CCDC14: variants seen among roughly 807,000 people sequenced by gnomAD.
CCDC14 encodes coiled-coil domain-containing protein 14.
In CCDC14, 71 loss-of-function variants were observed where a neutral mutation model predicts 81.4. The ratio of observed to expected loss-of-function variants is 0.87; its 90% CI spans 0.72 to 1.06. The LOEUF is 1.06. Among genes scored for constraint, CCDC14 ranks in the 50% least tolerant of loss-of-function variants. The probability of loss-of-function intolerance (pLI) is 0.00; values close to 1 mark genes in which losing one functional copy is unlikely to be tolerated. For synonymous variants in CCDC14, 332 were observed against 364.8 expected, an observed-to-expected ratio of 0.91 and a Z score of 1.03; for missense variants, 1,046 against 1,047.3, an observed-to-expected ratio of 1.00 and a Z score of 0.02.
At chr3:123,885,567 A>G in the CCDC14 span, among the ~76,000 whole-genome samples, 1 of 151,634 alleles carries the variant, frequency 6.6e-6, no homozygotes, top group Non-Finnish European at 1.5e-5. Flanking sequence ...GAGGTTTTCC[A>G]GAGTCTGGGG....
In CCDC14 at chr3:123,915,360, C is replaced by T. The variant is rs1447867064; in HGVS notation, c.2137G>A (p.Gly713Arg). The T allele has an allele frequency of 6.2e-7, 1 of 1,613,688 alleles. No individual in the cohort carries two copies. The highest frequency in any genetic ancestry group is 1.3e-5 in the African/African-American group (1 of 74,902). The change falls in exon 13 of 13, where the codon GGG becomes AGG. Residue 713 changes from glycine (G) to arginine (R), a missense_variant. Transcript: ENST00000409697. ...SALSKQDSDEGSETMALIEDE... is the reference protein window; with the variant it reads ...SALSKQDSDERSETMALIEDE... ...TCTATTAAAGCCATAGTTTCACTCC[C>T]TTCATCAGAATCCTGTTTTGAAAGG...
In CCDC14 at chr3:123,931,407, C is replaced by T. The variant is rs1274274564; in HGVS notation, c.1546G>A (p.Asp516Asn). ...ATACTACTAAATTTTTTGTTTTCAT[C>T]TTTCTGATTTTCAATCACTTTTAAC... ...ELLKVIENQK[D>N]ENKKFSSIFK... The change falls in exon 11 of 13, where the codon GAT becomes AAT. Residue 516 changes from aspartate to asparagine, a missense_variant. Asp to Asn is a conservative substitution (Grantham distance 23). Transcript: ENST00000409697. The T allele has an allele frequency of 5.2e-6, 8 of 1,546,818 alleles. No individual in the cohort carries two copies. Among genetic ancestry groups the T allele is most frequent in the Non-Finnish European group, 6.1e-6 (7 of 1,141,568 alleles).
At position 123,949,008 on chromosome 3, in the gene CCDC14, G is replaced by A; in HGVS notation, c.477C>T (p.Tyr159=). The change falls in exon 6 of 13, where the codon TAC becomes TAT. Residue 159 remains tyrosine, a synonymous_variant. Transcript: ENST00000409697. ...DHYRMYSPII[Y]QALCEHVQTQ... ...TCTGCACGTGCTCACAGAGGGCTTG[G>A]TATATTATGGGTGAATACATTCTAT... The A allele has an allele frequency of 1.2e-6, 2 of 1,613,848 alleles. No individual in the cohort carries two copies. The highest frequency in any genetic ancestry group is 2.2e-5 in the East Asian group (1 of 44,874).
At chr3:123,957,850 CT>C (rs796678731) in intron 1 of CCDC14, 31 of 152,142 alleles carry the variant, frequency 2.0e-4, no homozygotes, top group African/African-American at 7.0e-4. Context: ...GATTCCCCCC[CT>C]AGTTCCACCC....
At chr3:123,945,455 G>C (rs1290561661) in intron 8 of CCDC14, among the ~76,000 whole-genome samples, 1 of 151,996 alleles carries the variant, frequency 6.6e-6, no homozygotes, top group South Asian at 2.1e-4. Flanking sequence ...TATTGAGTGA[G>C]GGTCTGCTAA....
intron 5 of CCDC14, among the ~76,000 whole-genome samples, chr3:123,907,717 A>G (rs2034347724): frequency 6.7e-6 from 1 of 150,286 alleles, no homozygotes; most frequent in Non-Finnish European, 1.5e-5. Flanking sequence ...AAAAAAATAT[A>G]ATAAAAAAAA....
intron 9 of CCDC14, among the ~76,000 whole-genome samples, chr3:123,939,575 C>A (rs1207609246): frequency 6.7e-6 from 1 of 149,174 alleles, no homozygotes; most frequent in African/African-American, 2.5e-5. Context: ...TTGTTCTGTT[C>A]TCTTTTTTCA....
intron 12 of CCDC14, among the ~76,000 whole-genome samples, chr3:123,924,935 A>T (rs1394208187): frequency 7.0e-6 from 1 of 142,966 alleles, no homozygotes; most frequent in Non-Finnish European, 1.5e-5. Context: ...ATACACACAC[A>T]TATATATGTA....
chr3:123,931,561 C>G (rs753836052), intron 10 of CCDC14, 35 bp from the exon 11 acceptor site: 5 of 1,215,578 alleles, frequency 4.1e-6, no homozygotes, highest in Non-Finnish European at 5.7e-6. Flanking sequence ...AGTTGTTTCC[C>G]AAACCTAAAA....
At chr3:123,924,292 AT>A (rs1348034631) in intron 12 of CCDC14, among the ~76,000 whole-genome samples, 1 of 152,182 alleles carries the variant, frequency 6.6e-6, no homozygotes, top group East Asian at 1.9e-4. Context: ...TATACTAAAA[AT>A]GGATTAAAGA....
Position 123,914,780 on chromosome 3 carries a change from C to A in CCDC14, c.2717G>T (p.Ter906LeuextTer19), listed in dbSNP as rs1232154829. 6.6e-7 allele frequency: 1 copy of A among 1,511,334 alleles called. No individual in the cohort carries two copies. Among genetic ancestry groups the A allele is most frequent in the South Asian group, 1.3e-5 (1 of 77,120 alleles). The allele number at this position is 1,511,334 out of a possible 1,614,324, so 93.6% of individuals were successfully genotyped here. The change falls in exon 13 of 13, where the codon TGA becomes TTA. Residue 906 changes from the stop codon to leucine (L), a stop_lost. Transcript: ENST00000409697. ...CACCTGATGAGTTTTCTTCTGAATT[C>A]ATTTCTCCAGAAGACCAGTCCTTAA... ...KSLRTGLLEK[*>L] is the part of the protein sequence containing the mutation.
At chr3:123,956,640 G>A in intron 2 of CCDC14, 100 bp downstream of exon 2, 2 of 917,198 alleles carry the variant, frequency 2.2e-6, no homozygotes, top group African/African-American at 3.4e-5. Context: ...TGTGATGGTA[G>A]AGGCCTACCT....
chr3:123,900,054 A>C (rs2034148664), intron 5 of CCDC14, among the ~76,000 whole-genome samples: 1 of 152,242 alleles, frequency 6.6e-6, no homozygotes, highest in Non-Finnish European at 1.5e-5. Context: ...GCCTTTGAGG[A>C]CAAGGACTAG....
At chr3:123,946,603 T>A (rs1451697741) in intron 8 of CCDC14, among the ~76,000 whole-genome samples, 200 bp downstream of exon 8, 1 of 152,170 alleles carries the variant, frequency 6.6e-6, no homozygotes, top group Non-Finnish European at 1.5e-5. Context: ...ATGTTTGACA[T>A]TCTCAAACGC....
At chr3:123,919,785 G>C (rs943064847) in intron 12 of CCDC14, among the ~76,000 whole-genome samples, 2 of 152,158 alleles carry the variant, frequency 1.3e-5, no homozygotes, top group Non-Finnish European at 2.9e-5. Flanking sequence ...AGTGAGAGGT[G>C]GGGTAGGGCA....
At chr3:123,925,747 T>C (rs1427766109) in intron 12 of CCDC14, among the ~76,000 whole-genome samples, 1 of 152,150 alleles carries the variant, frequency 6.6e-6, no homozygotes, top group Non-Finnish European at 1.5e-5. Context: ...AGGGTGATTA[T>C]ACTTAATAAT....
chr3:123,956,426 T>A lies in CCDC14; in HGVS notation c.88A>T (p.Thr30Ser). The change falls in exon 3 of 13, where the codon ACC becomes TCC. Residue 30 changes from threonine (T) to serine (S), a missense_variant and splice_region_variant. Thr to Ser is a moderately conservative substitution (Grantham distance 58). Transcript: ENST00000409697. ...AAACGTGGTATTTTTCTTAAATAGG[T>A]CCTGGAAAACAAGCTTATTAATATT... ...PAKLTNGKKA[T>S]YLRKIPRFNA... The A allele has an allele frequency of 6.5e-7, 1 of 1,539,560 alleles. No homozygotes were observed. The highest frequency in any genetic ancestry group is 8.8e-7 in the Non-Finnish European group (1 of 1,139,284).
At chr3:123,886,687 C>T in the CCDC14 span, among the ~76,000 whole-genome samples, 2 of 152,096 alleles carry the variant, frequency 1.3e-5, no homozygotes, top group African/African-American at 4.8e-5. Context: ...TGAGCCACCC[C>T]GCCTGGCCAG....
intron 12 of CCDC14, among the ~76,000 whole-genome samples, chr3:123,928,333 T>TAAAAAAAA: frequency 1.3e-5 from 1 of 76,370 alleles, no homozygotes; most frequent in South Asian, 6.3e-4. Flanking sequence ...CAGTCTCTAC[T>TAAAAAAAA]AAAAAAAAAA....
Sources: allele counts gnomAD v4.1 joint callset (sites outside exome capture counted in the v4.1 genomes callset), GRCh38; gene constraint gnomAD v4.1.1; transcripts MANE v1.5; gene names NCBI Gene and HGNC (gene_info 2026-07-23, HGNC 2026-07-21).